PLD2: variants seen among roughly 807,000 people sequenced by gnomAD.
PLD2 encodes choline phosphatase 2.
In PLD2, 101 loss-of-function variants were observed where a neutral mutation model predicts 119.8. The observed-to-expected ratio is 0.84, with a 90% CI of 0.72 to 0.99. PLD2 has a LOEUF of 0.99. Among genes scored for constraint, PLD2 ranks in the 50% least tolerant of loss-of-function variants. PLD2 has a pLI of 0.00. For missense variants in PLD2, 1,164 were observed against 1,226.8 expected (o/e 0.95, Z 0.76); for synonymous variants, 494 against 482.8 (o/e 1.02, Z -0.30).
At chr17:4,816,523 GTC>G (rs1685617695) in intron 14 of PLD2, 95 bp from the exon 15 acceptor site, 1 of 1,271,260 alleles carries the variant, frequency 7.9e-7, no homozygotes, top group Non-Finnish European at 1.1e-6. Flanking sequence ...CTTCCTCTCG[GTC>G]TCTCTCACTC....
rs1906124750 is a variant in PLD2, at chr17:4,808,690, C to G, written c.383+274C>G. Among the ~76,000 whole-genome samples, 1 of 152,056 alleles carries G rather than the reference C, an allele frequency of 6.6e-6. No homozygotes were observed. The stretch of plus-strand genomic sequence containing the variant: ...GGGTAGGGGGCCTCCGTTTTGCCAG[C>G]CTCTAGGCCTTTTGTTTGTTTTTTG... On this transcript the variant is annotated intron_variant, in intron 4 of 24. Transcript: ENST00000263088. This position sits in a 1 kb window ranked among gnomAD's most constrained non-coding sequence, Gnocchi z 4.1.
At chr17:4,822,105 G>A (rs1907736227) in intron 24 of PLD2, among the ~76,000 whole-genome samples, 198 bp downstream of exon 24, 1 of 152,138 alleles carries the variant, frequency 6.6e-6, no homozygotes. Flanking sequence ...CACTTTGGGA[G>A]GCCAAGGCCC....
intron 24 of PLD2, among the ~76,000 whole-genome samples, chr17:4,822,245 G>C (rs1423738779): frequency 6.6e-6 from 1 of 152,046 alleles, no homozygotes; most frequent in Non-Finnish European, 1.5e-5. Flanking sequence ...CTTGAACTCA[G>C]GAGACAGAGA....
chr17:4,811,935 C>T (rs1906516640), intron 10 of PLD2, among the ~76,000 whole-genome samples: 1 of 152,118 alleles, frequency 6.6e-6, no homozygotes, highest in Non-Finnish European at 1.5e-5. Context: ...CTGCCTCAGC[C>T]TCCCAAGTAG....
At position 4,819,644 on chromosome 17, in the gene PLD2, G is replaced by C; in HGVS notation, c.2462+62G>C. 6.7e-7 allele frequency: 1 copy of C among 1,495,214 alleles called. No individual in the cohort carries two copies. The allele number at this position is 1,495,214 out of a possible 1,614,324, so 92.6% of individuals were successfully genotyped here. A position where few individuals can be genotyped will look rare whatever the true frequency, so the allele number is the denominator to read the frequency against. On this transcript the variant is annotated intron_variant, in intron 23 of 24. Coordinates refer to ENST00000263088, the MANE Select transcript of PLD2 (RefSeq NM_002663.5). The surrounding 1 kb of genome is among the most constrained non-coding windows in gnomAD (Gnocchi z 4.2). ...GATGGGGGCGTCTGCCTTTTGAGCA[G>C]GACAAGAGGTAGCACCGCATAGGTA... is the stretch of plus-strand genomic sequence containing the variant.
At position 4,808,266 on chromosome 17, in the gene PLD2, AC is replaced by A; in HGVS notation, c.241-4del. The A allele has an allele frequency of 6.2e-7, 1 of 1,613,386 alleles. No homozygotes were observed. The highest frequency in any genetic ancestry group is 8.5e-7 in the Non-Finnish European group (1 of 1,179,628). On this transcript the variant is annotated splice_polypyrimidine_tract_variant and splice_region_variant and intron_variant, in intron 3 of 24. Transcript: ENST00000263088. The surrounding 1 kb of genome is among the most constrained non-coding windows in gnomAD (Gnocchi z 4.1). The stretch of plus-strand genomic sequence containing the variant: ...AGGGGACATCCATTCAGTTCCTCAT[AC>A]CCCTAGGTGGGAACCTGCACTCTGT...
At position 4,809,500 on chromosome 17, in the gene PLD2, T is replaced by C; in HGVS notation, c.563T>C (p.Phe188Ser). 2 of 1,607,716 alleles carry C rather than the reference T, an allele frequency of 1.2e-6. No individual in the cohort carries two copies. Among genetic ancestry groups the C allele is most frequent in the Non-Finnish European group, 1.7e-6 (2 of 1,176,306 alleles). ...TTTTGTTTTCCTCTGCAGACAGAGT[T>C]CCTGGAAGTCAGTCAGCTGTCCTTT... ...FYRNYHAMTE[F>S]LEVSQLSFIP... is the part of the protein sequence containing the mutation. Residue 188 changes from phenylalanine to serine, a missense_variant, in exon 7 of 25, where the codon TTC becomes TCC. Transcript: ENST00000263088.
intron 9 of PLD2, 51 bp downstream of exon 9, chr17:4,810,080 C>T (rs779909199): frequency 8.2e-6 from 13 of 1,581,556 alleles, no homozygotes; most frequent in South Asian, 7.8e-5. Context: ...AGCCCACCCA[C>T]GGCCTTGCTG....
intron 10 of PLD2, among the ~76,000 whole-genome samples, chr17:4,812,764 C>T (rs890730104): frequency 2.6e-5 from 4 of 152,152 alleles, no homozygotes; most frequent in Admixed American, 6.6e-5. Flanking sequence ...TGGGAACATA[C>T]ACTTGCTGAT....
intron 9 of PLD2, 81 bp downstream of exon 9, chr17:4,810,110 C>T: frequency 7.0e-7 from 1 of 1,428,538 alleles, no homozygotes; most frequent in Non-Finnish European, 9.6e-7. Context: ...AAAGAGAGAC[C>T]ACAGGAGAGA....
rs1239672535 is a variant in PLD2, at chr17:4,821,894, A to G, written c.2564A>G (p.Asn855Ser). 4.3e-6 allele frequency: 7 copies of G among 1,612,062 alleles called. No homozygotes were observed. The highest frequency in any genetic ancestry group is 5.9e-6 in the Non-Finnish European group (7 of 1,178,362). ...LWQDMAESNA[N>S]IYEQIFRCLP... Reference sequence around the variant, plus strand: ...CAAGACATGGCTGAGAGCAACGCCAATATCTATGAGCAGGTGGGAACTTGG... The same window carrying G: ...CAAGACATGGCTGAGAGCAACGCCAGTATCTATGAGCAGGTGGGAACTTGG... Residue 855 changes from asparagine to serine, a missense_variant, in exon 24 of 25, where the codon AAT becomes AGT. Physicochemically the swap from Asn to Ser is conservative, Grantham distance 46. Coordinates refer to ENST00000263088, the MANE Select transcript of PLD2 (RefSeq NM_002663.5).
intron 14 of PLD2, 65 bp downstream of exon 14, chr17:4,815,999 C>A: frequency 1.7e-6 from 2 of 1,181,832 alleles, no homozygotes; most frequent in Non-Finnish European, 2.5e-6. Context: ...CACCATTTCC[C>A]AGCTCCAGCC....
rs754910484 is a variant in PLD2 at position 4,818,303 on chromosome 17, T to G, written c.1927T>G (p.Phe643Val). ...SQHFLYIENQ[F>V]FISCSDGRTV... ...TCTCTGATTCTTGCCCCAGAATCAG[T>G]TCTTCATTAGCTGCTCAGATGGGCG... The change falls in exon 19 of 25, where the codon TTC becomes GTC. Residue 643 changes from phenylalanine to valine, a missense_variant. By Grantham distance (50) the Phe-to-Val change is conservative. Coordinates refer to ENST00000263088, the MANE Select transcript of PLD2 (RefSeq NM_002663.5). 2 of 1,613,558 alleles carry G rather than the reference T, an allele frequency of 1.2e-6. No homozygotes were observed. The highest frequency in any genetic ancestry group is 1.7e-6 in the Non-Finnish European group (2 of 1,179,550).
In PLD2 at chr17:4,819,313, G is replaced by A. The variant is rs1907394453; in HGVS notation, c.2308+95G>A. 2.5e-6 allele frequency: 4 copies of A among 1,593,628 alleles called. No individual in the cohort carries two copies. Among genetic ancestry groups the A allele is most frequent in the East Asian group, 4.5e-5 (2 of 44,060 alleles). On this transcript the variant is annotated intron_variant, in intron 22 of 24. Coordinates refer to ENST00000263088, the MANE Select transcript of PLD2 (RefSeq NM_002663.5). This position sits in a 1 kb window ranked among gnomAD's most constrained non-coding sequence, Gnocchi z 4.2. ...GACAGAGACTGCAGCTGAGGCTCGT[G>A]TAGGGGTGGAGGGTCCAAGAAGGAA...
chr17:4,817,178 C>T lies in PLD2; in HGVS notation c.1734C>T (p.Tyr578=), dbSNP rs768952415. The T allele has an allele frequency of 1.2e-6, 2 of 1,613,762 alleles. No homozygotes were observed. The highest frequency in any genetic ancestry group is 1.1e-5 in the South Asian group (1 of 91,086). ...TTKAKYKTPT[Y]PYLLPKSTST... is the part of the protein sequence containing the mutation. ...AGGCCAAGTACAAGACTCCCACATA[C>T]CCCTACCTGCTTCCCAAGTCTACCA... The change falls in exon 17 of 25, where the codon TAC becomes TAT. Residue 578 remains tyrosine, a synonymous_variant. Transcript: ENST00000263088.
rs779820667 is a variant in PLD2 at position 4,814,413 on chromosome 17, C to G, written c.1011-5C>G. 2.5e-6 allele frequency: 4 copies of G among 1,608,210 alleles called. No homozygotes were observed. The African/African-American group carries it at 5.3e-5, about 21-fold the overall frequency. ...CCTGACCTCCTTGGCTTGGCCTCCC[C>G]CCAGGTTTGTGAATGGGGCAGGTTA... On this transcript the variant is annotated splice_polypyrimidine_tract_variant and splice_region_variant and intron_variant, in intron 10 of 24. Transcript: ENST00000263088.
In PLD2 at chr17:4,819,463, G is replaced by A. The variant is rs762796056; in HGVS notation, c.2343G>A (p.Gly781=). 6.2e-7 allele frequency: 1 copy of A among 1,614,040 alleles called. No homozygotes were observed. The highest frequency in any genetic ancestry group is 8.5e-7 in the Non-Finnish European group (1 of 1,179,982). Residue 781 remains glycine, a synonymous_variant, in exon 23 of 25, where the codon GGG becomes GGA. Transcript: ENST00000263088. The surrounding 1 kb of genome is among the most constrained non-coding windows in gnomAD (Gnocchi z 4.2). ...SANINDRSLL[G]KRDSELAVLI... ...ACATCAATGACCGGAGCTTGCTGGG[G>A]AAGCGGGACAGTGAGCTGGCCGTGC...
intron 24 of PLD2, among the ~76,000 whole-genome samples, 155 bp from the exon 25 acceptor site, chr17:4,822,485 T>C: frequency 7.5e-6 from 1 of 133,504 alleles, no homozygotes; most frequent in Admixed American, 7.3e-5. Context: ...AGAGTGAAAC[T>C]CCGTCTCAAA....
Position 4,814,454 on chromosome 17 carries a change from A to T in PLD2, c.1047A>T (p.Ala349=). Residue 349 remains alanine (A), a synonymous_variant, in exon 11 of 25, where the codon GCA becomes GCT. Coordinates refer to ENST00000263088, the MANE Select transcript of PLD2 (RefSeq NM_002663.5). ...VNGAGYFAAV[A]DAILRAQEEI... ...GGGCAGGTTACTTTGCTGCTGTGGC[A>T]GATGCCATCCTTCGAGCTCAAGAGG... 1 of 1,613,020 alleles carries T rather than the reference A, an allele frequency of 6.2e-7. No homozygotes were observed. Among genetic ancestry groups the T allele is most frequent in the Non-Finnish European group, 8.5e-7 (1 of 1,179,748 alleles).
Sources: gnomAD v4.1 joint callset for allele counts (sites outside exome capture counted in the v4.1 genomes callset) on GRCh38, gnomAD v4.1.1 for gene constraint, Gnocchi (gnomAD v3.1) non-coding constraint, MANE v1.5 for transcripts, NCBI Gene and HGNC (gene_info 2026-07-23, HGNC 2026-07-21) for gene names.